MAP3K6: variants seen among roughly 807,000 people sequenced by gnomAD.
MAP3K6 encodes apoptosis signal-regulating kinase 2.
MAP3K6 carries 105 observed loss-of-function variants against 147.1 expected under a neutral mutation model. The ratio of observed to expected loss-of-function variants is 0.71; its 90% CI spans 0.61 to 0.84. The LOEUF is 0.84. Among genes scored for constraint, MAP3K6 ranks in the 40% least tolerant of loss-of-function variants. The probability of loss-of-function intolerance (pLI) is 0.00; values close to 1 mark genes in which losing one functional copy is unlikely to be tolerated. For missense variants in MAP3K6, 1,569 were observed against 1,715.0 expected (o/e 0.91, Z 1.50); for synonymous variants, 695 against 732.4 (o/e 0.95, Z 0.82).
At position 27,358,392 on chromosome 1, in the gene MAP3K6, T is replaced by G; in HGVS notation, c.2776+27A>C. ...GCTCCACAACTCCTCTGCCCTCCAC[T>G]GTGCCCATCCCGCCACCCGCAAGCA... On this transcript the variant is annotated intron_variant, in intron 20 of 28. Coordinates refer to ENST00000357582, the MANE Select transcript of MAP3K6 (RefSeq NM_004672.5). The surrounding 1 kb of genome is among the most constrained non-coding windows in gnomAD (Gnocchi z 6.2). 6.3e-7 allele frequency: 1 copy of G among 1,585,080 alleles called. No homozygotes were observed. Among genetic ancestry groups the G allele is most frequent in the Non-Finnish European group, 8.5e-7 (1 of 1,171,060 alleles).
intron 24 of MAP3K6, 114 bp downstream of exon 24, chr1:27,356,895 C>A: frequency 7.1e-7 from 1 of 1,408,014 alleles, no homozygotes; most frequent in South Asian, 1.3e-5. Context: ...ACGCCCCCAC[C>A]GGCGCCTGCC....
At chr1:27,362,614 G>A (rs368146325) in intron 8 of MAP3K6, 27 bp downstream of exon 8, 570 of 1,518,388 alleles carry the variant, frequency 3.8e-4, no homozygotes, top group Non-Finnish European at 4.5e-4. Flanking sequence ...TGTGGGTGAC[G>A]AGACAAGAGC....
At position 27,359,960 on chromosome 1, in the gene MAP3K6, T is replaced by G. The variant is rs1571067878; in HGVS notation, c.2217A>C (p.Gly739=). The G allele has an allele frequency of 1.2e-6, 2 of 1,613,278 alleles. No individual in the cohort carries two copies. Among genetic ancestry groups the G allele is most frequent in the East Asian group, 2.2e-5 (1 of 44,858 alleles). The change falls in exon 17 of 29, where the codon GGA becomes GGC. Residue 739 remains glycine, a synonymous_variant. Coordinates refer to ENST00000357582, the MANE Select transcript of MAP3K6 (RefSeq NM_004672.5). This position sits in a 1 kb window ranked among gnomAD's most constrained non-coding sequence, Gnocchi z 4.4. The stretch of plus-strand genomic sequence containing the variant: ...TGGTGCTCTCGTTGTCCTTCAGGGG[T>G]CCCCACACCGACCGCAGCAAGGAGG... ...SLSSLLRSVW[G]PLKDNESTIS... is the part of the protein sequence containing the mutation.
chr1:27,366,208 C>A lies in MAP3K6; in HGVS notation c.340+50G>T. 7.8e-7 allele frequency: 1 copy of A among 1,273,920 alleles called. No homozygotes were observed. Among genetic ancestry groups the A allele is most frequent in the Non-Finnish European group, 9.9e-7 (1 of 1,010,194 alleles). The allele number at this position is 1,273,920 out of a possible 1,614,324, so 78.9% of individuals were successfully genotyped here. On this transcript the variant is annotated intron_variant, in intron 1 of 28. Transcript: ENST00000357582. This position sits in a 1 kb window ranked among gnomAD's most constrained non-coding sequence, Gnocchi z 5.5. ...CCTTCGAGCCCGGCTTGGTCCCCTC[C>A]CAGGACCCTGAGTCCCGCCCGGATC... is the stretch of plus-strand genomic sequence containing the variant.
In MAP3K6 at chr1:27,364,743, G is replaced by A; in HGVS notation, c.480+30C>T. The A allele has an allele frequency of 6.2e-7, 1 of 1,613,994 alleles. No individual in the cohort carries two copies. Among genetic ancestry groups the A allele is most frequent in the East Asian group, 2.2e-5 (1 of 44,874 alleles). On this transcript the variant is annotated intron_variant, in intron 2 of 28. Transcript: ENST00000357582. This position sits in a 1 kb window ranked among gnomAD's most constrained non-coding sequence, Gnocchi z 4.4. ...TGTGTAGGCCTTACCCCAGCCCTGT[G>A]CCTGCCTCCACCAGCCCCAGGCCAC...
At position 27,366,194 on chromosome 1, in the gene MAP3K6, G is replaced by C; in HGVS notation, c.340+64C>G. ...GCCCCTCCCTTGAGCCTTCGAGCCC[G>C]GCTTGGTCCCCTCCCAGGACCCTGA... On this transcript the variant is annotated intron_variant, in intron 1 of 28. Transcript: ENST00000357582. The surrounding 1 kb of genome is among the most constrained non-coding windows in gnomAD (Gnocchi z 5.5). The C allele has an allele frequency of 2.4e-6, 3 of 1,258,240 alleles. No individual in the cohort carries two copies. Among genetic ancestry groups the C allele is most frequent in the Non-Finnish European group, 3.0e-6 (3 of 1,000,094 alleles). 77.9% of individuals were successfully genotyped at this position (1,258,240 alleles called of 1,614,324 possible). A position where few individuals can be genotyped will look rare whatever the true frequency, so the allele number is the denominator to read the frequency against.
rs757463630 is a variant in MAP3K6, at chr1:27,360,815, C to G, written c.1944G>C (p.Thr648=). 16 of 1,612,752 alleles carry G rather than the reference C, an allele frequency of 9.9e-6. No individual in the cohort carries two copies. The Admixed American group carries it at 1.7e-4, about 17-fold the overall frequency. The part of the protein sequence containing the change: ...MLEFDYEYTE[T]GERLVLGKGT... ...CCTTGCCCAGCACCAGCCGCTCGCC[C>G]GTCTCCGTGTACTCATAATCAAACT... Residue 648 remains threonine (T), a synonymous_variant, in exon 15 of 29, where the codon ACG becomes ACC. Coordinates refer to ENST00000357582, the MANE Select transcript of MAP3K6 (RefSeq NM_004672.5). This position sits in a 1 kb window ranked among gnomAD's most constrained non-coding sequence, Gnocchi z 4.5.
Position 27,362,079 on chromosome 1 carries a change from G to C in MAP3K6, c.1415+12C>G. ...CCCAGGTCAGGCCAAGAATGCAGAG[G>C]GGGCCACCTACCATATGGGGGCATT... On this transcript the variant is annotated intron_variant, in intron 9 of 28. Coordinates refer to ENST00000357582, the MANE Select transcript of MAP3K6 (RefSeq NM_004672.5). The C allele has an allele frequency of 6.2e-7, 1 of 1,603,940 alleles. No individual in the cohort carries two copies. Among genetic ancestry groups the C allele is most frequent in the South Asian group, 1.1e-5 (1 of 89,776 alleles).
Position 27,361,571 on chromosome 1 carries a change from A to G in MAP3K6, c.1635T>C (p.Gly545=). The G allele has an allele frequency of 6.2e-7, 1 of 1,614,088 alleles. No individual in the cohort carries two copies. Among genetic ancestry groups the G allele is most frequent in the Non-Finnish European group, 8.5e-7 (1 of 1,180,018 alleles). ...VLLPAKLEVR[G]TDPVSTVTLS... ...GGGTCACTGTGCTTACTGGGTCAGTACCCCGAACCTCGAGCTTTGCAGGCA... is the reference window on the plus strand; with the variant it reads ...GGGTCACTGTGCTTACTGGGTCAGTGCCCCGAACCTCGAGCTTTGCAGGCA... Residue 545 remains glycine (G), a synonymous_variant, in exon 11 of 29, where the codon GGT becomes GGC. Transcript: ENST00000357582.
rs755050067 is a variant in MAP3K6, at chr1:27,357,839, GAGACGCAGGCTCCTC to G, written c.2938_2952del (p.Glu980_Ser984del). Reference sequence around the variant, plus strand: ...AGGCTCAGCCCCGAACTCTCCTCCGGAGACGCAGGCTCCTCGGCCGCAGGCTCCTCGGGCACCCTG... The same window carrying G: ...AGGCTCAGCCCCGAACTCTCCTCCGGGGCCGCAGGCTCCTCGGGCACCCTG... On this transcript the variant is annotated inframe_deletion, in exon 22 of 29. Transcript: ENST00000357582. 2.3e-5 allele frequency: 36 copies of G among 1,599,494 alleles called. No individual in the cohort carries two copies. In the South Asian group the frequency reaches 4.0e-4, roughly 18 times the overall value.
Position 27,359,688 on chromosome 1 carries a change from G to T in MAP3K6, c.2320-166C>A. On this transcript the variant is annotated intron_variant, in intron 17 of 28. Coordinates refer to ENST00000357582, the MANE Select transcript of MAP3K6 (RefSeq NM_004672.5). The surrounding 1 kb of genome is among the most constrained non-coding windows in gnomAD (Gnocchi z 4.4). The stretch of plus-strand genomic sequence containing the variant: ...CCCTCTGGGAGCTGACAATTGGTTT[G>T]GCTTCAGAGCTGAACCTTTCCCCTC... 1.2e-6 allele frequency: 1 copy of T among 862,340 alleles called. No individual in the cohort carries two copies. The highest frequency in any genetic ancestry group is 1.4e-6 in the Non-Finnish European group (1 of 717,876). The allele number at this position is 862,340 out of a possible 1,614,324, so 53.4% of individuals were successfully genotyped here.
rs2015566815 is a variant in MAP3K6, at chr1:27,357,386, G to A, written c.3258+14C>T. 3 of 1,588,448 alleles carry A rather than the reference G, an allele frequency of 1.9e-6. No homozygotes were observed. In the East Asian group the frequency reaches 6.8e-5, roughly 36 times the overall value. ...TGTTGTTGGGCAGCTCTAACTACCA[G>A]AAGGCGCCCTCACCGCATCCGGGAA... On this transcript the variant is annotated intron_variant, in intron 23 of 28. Transcript: ENST00000357582.
Position 27,356,991 on chromosome 1 carries a change from G to A in MAP3K6, c.3364+18C>T, listed in dbSNP as rs1452486763. The stretch of plus-strand genomic sequence containing the variant: ...CCACACCCTCGCTGGCAGGAGGCCC[G>A]TGGCATTCCCCTCCTACCCGGTCCT... On this transcript the variant is annotated intron_variant, in intron 24 of 28. Coordinates refer to ENST00000357582, the MANE Select transcript of MAP3K6 (RefSeq NM_004672.5). 1.2e-6 allele frequency: 2 copies of A among 1,607,788 alleles called. No homozygotes were observed. The highest frequency in any genetic ancestry group is 1.1e-5 in the South Asian group (1 of 90,970).
chr1:27,358,942 T>C lies in MAP3K6; in HGVS notation c.2426-76A>G. 1 of 1,444,486 alleles carries C rather than the reference T, an allele frequency of 6.9e-7. No individual in the cohort carries two copies. 89.5% of individuals were successfully genotyped at this position (1,444,486 alleles called of 1,614,324 possible). ...TGGAGCAGGGAGGGGAATGCCGTCA[T>C]CCTCAGGCCGACTGCACCCATACTG... On this transcript the variant is annotated intron_variant, in intron 18 of 28. Transcript: ENST00000357582. The surrounding 1 kb of genome is among the most constrained non-coding windows in gnomAD (Gnocchi z 6.2).
Position 27,364,208 on chromosome 1 carries a change from AGTCT to A in MAP3K6, c.687_690del (p.Asp230LeufsTer42). On this transcript the variant is annotated frameshift_variant, in exon 4 of 29. Coordinates refer to ENST00000357582, the MANE Select transcript of MAP3K6 (RefSeq NM_004672.5). LOFTEE classifies it high-confidence loss of function. This position sits in a 1 kb window ranked among gnomAD's most constrained non-coding sequence, Gnocchi z 4.4. ...CTCCCTGGGGGCCTTCATTACCAAG[AGTCT>A]GTGGGTGTGGCCTCCAGCAGGCGGG... The A allele has an allele frequency of 6.2e-7, 1 of 1,611,240 alleles. No homozygotes were observed. Among genetic ancestry groups the A allele is most frequent in the Admixed American group, 1.7e-5 (1 of 59,992 alleles).
chr1:27,362,490 G>T, intron 8 of MAP3K6, 151 bp downstream of exon 8: 2 of 730,360 alleles, frequency 2.7e-6, no homozygotes, highest in Non-Finnish European at 4.4e-6. Flanking sequence ...GCCCAGAACA[G>T]GTATGAGGAC....
intron 24 of MAP3K6, 32 bp from the exon 25 acceptor site, chr1:27,356,781 C>T: frequency 1.3e-6 from 2 of 1,529,056 alleles, no homozygotes; most frequent in Non-Finnish European, 1.8e-6. Flanking sequence ...TCAGGCAAGG[C>T]TACAACGCCC....
chr1:27,357,200 C>A (rs548220944), intron 23 of MAP3K6, 86 bp from the exon 24 acceptor site: 2 of 1,311,652 alleles, frequency 1.5e-6, no homozygotes, highest in African/African-American at 1.5e-5. Context: ...AAGTCTTCGG[C>A]GGGAGGCGAG....
chr1:27,364,147 C>T lies in MAP3K6; in HGVS notation c.695+57G>A. On this transcript the variant is annotated intron_variant, in intron 4 of 28. Transcript: ENST00000357582. The surrounding 1 kb of genome is among the most constrained non-coding windows in gnomAD (Gnocchi z 4.4). ...GGTGGGGCCTGTACCTCAGCCCCAGCCCACCATACCCTCACCAGCCCCCTC... is the reference window on the plus strand; with the variant it reads ...GGTGGGGCCTGTACCTCAGCCCCAGTCCACCATACCCTCACCAGCCCCCTC... 2 of 1,597,022 alleles carry T rather than the reference C, an allele frequency of 1.3e-6. No homozygotes were observed. Among genetic ancestry groups the T allele is most frequent in the Non-Finnish European group, 1.7e-6 (2 of 1,171,214 alleles).
Sources: gnomAD v4.1 joint callset for allele counts on GRCh38, gnomAD v4.1.1 for gene constraint, Gnocchi (gnomAD v3.1) non-coding constraint, MANE v1.5 for transcripts, NCBI Gene and HGNC (gene_info 2026-07-23, HGNC 2026-07-21) for gene names.